The following NID1 variants were observed in gnomAD, a reference collection of about 807,000 sequenced individuals.
NID1 encodes the protein nidogen 1.
A neutral mutation model predicts 130.6 loss-of-function variants in NID1; 76 were observed. The ratio of observed to expected loss-of-function variants is 0.58; its 90% CI spans 0.48 to 0.70. The LOEUF (loss-of-function observed/expected upper bound fraction) is 0.70, where lower values mean the gene tolerates loss of function less well. NID1 is among the 30% of genes least tolerant of loss of function. The pLI, the probability that NID1 is intolerant of heterozygous loss-of-function variation, is 0.00. For missense variants in NID1, 1,517 were observed against 1,664.8 expected (o/e 0.91, Z 1.54); for synonymous variants, 665 against 675.1 (o/e 0.98, Z 0.23).
intron 1 of NID1, among the ~76,000 whole-genome samples, chr1:236,063,479 A>AT (rs949120723): frequency 6.7e-5 from 10 of 148,340 alleles, no homozygotes; most frequent in African/African-American, 2.5e-4. Context: ...CTCAAAAAAA[A>AT]AAATAAATAA....
intron 2 of NID1, among the ~76,000 whole-genome samples, chr1:236,047,219 T>C (rs1394676390): frequency 3.3e-5 from 5 of 152,208 alleles, no homozygotes; most frequent in African/African-American, 9.6e-5. Flanking sequence ...GAGGGAGATA[T>C]AGTTTTAGCA....
chr1:235,986,654 G>C (rs192316565), intron 14 of NID1, among the ~76,000 whole-genome samples: 1 of 152,148 alleles, frequency 6.6e-6, no homozygotes, highest in Non-Finnish European at 1.5e-5. Flanking sequence ...TAGAGACAGC[G>C]TCTCACTATG....
rs760949484 is a variant in NID1, at chr1:236,042,133, G to T, written c.912C>A (p.Gly304=). The change falls in exon 4 of 20, where the codon GGC becomes GGA. Residue 304 remains glycine, a synonymous_variant. Transcript: ENST00000264187. ...EDYDLATTRL[G]LEDVGTTPFS... ...AGGGCGTGGTGCCCACATCCTCCAG[G>T]CCCAGACGAGTGGTCGCCAGGTCAT... is the stretch of plus-strand genomic sequence containing the variant. The T allele has an allele frequency of 1.2e-6, 2 of 1,614,052 alleles. No homozygotes were observed. Among genetic ancestry groups the T allele is most frequent in the Admixed American group, 3.3e-5 (2 of 60,000 alleles).
chr1:236,023,016 G>A (rs141007549), intron 9 of NID1, among the ~76,000 whole-genome samples: 218 of 148,816 alleles, frequency 1.5e-3, no homozygotes, highest in African/African-American at 5.1e-3. Context: ...CCAAGATCAC[G>A]CCACTGCACT....
intron 2 of NID1, among the ~76,000 whole-genome samples, chr1:236,048,178 A>T (rs1339559807): frequency 1.3e-5 from 2 of 151,102 alleles, no homozygotes; most frequent in African/African-American, 4.9e-5. Flanking sequence ...CTAAAAATAC[A>T]AAAAAAACCA....
At chr1:236,008,310 T>G (rs1321692341) in intron 12 of NID1, among the ~76,000 whole-genome samples, 1 of 152,190 alleles carries the variant, frequency 6.6e-6, no homozygotes, top group African/African-American at 2.4e-5. Flanking sequence ...AGTTGACATT[T>G]CAGTAGCCAT....
At chr1:236,010,300 C>A (rs1214172259) in intron 12 of NID1, among the ~76,000 whole-genome samples, 1 of 107,192 alleles carries the variant, frequency 9.3e-6, no homozygotes, top group Non-Finnish European at 1.9e-5. Flanking sequence ...GCTATTTATA[C>A]TTTTTTTTTT....
chr1:236,025,263 C>CTT (rs750410998), intron 8 of NID1, among the ~76,000 whole-genome samples: 6 of 123,746 alleles, frequency 4.8e-5, no homozygotes, highest in Admixed American at 1.7e-4. Context: ...TACAATTTCT[C>CTT]TTTTTTTTTT....
chr1:236,043,873 C>A (rs1452138382), intron 3 of NID1, among the ~76,000 whole-genome samples: 1 of 152,088 alleles, frequency 6.6e-6, no homozygotes, highest in Non-Finnish European at 1.5e-5. Flanking sequence ...TCTCAGTTTA[C>A]CTTTGGTGCT....
rs779663742 is a variant in NID1 at position 236,045,504 on chromosome 1, A to T, written c.705T>A (p.Ala235=). 90 of 1,614,072 alleles carry T rather than the reference A, an allele frequency of 5.6e-5. 1 individual carries two copies. In the South Asian group the frequency reaches 6.7e-4, roughly 12 times the overall value. The change falls in exon 3 of 20, where the codon GCT becomes GCA. Residue 235 remains alanine, a synonymous_variant. Transcript: ENST00000264187. ...CCCTGTCATTAGCAAATATGTTATA[A>T]GCTCCGTTGCTCTTCCATAAGAATC... The part of the protein sequence containing the change: ...SVGFLWKSNG[A]YNIFANDRES...
rs187353630 is a variant in NID1, at chr1:235,983,868, C to T, written c.3055+1511G>A. Among the ~76,000 whole-genome samples the T allele has an allele frequency of 6.6e-5, 10 of 152,032 alleles. No homozygotes were observed. In the East Asian group the frequency reaches 1.5e-3, roughly 23 times the overall value. The stretch of plus-strand genomic sequence containing the variant: ...AAGGAAAGAAAGAAAGCCTGGGATC[C>T]GGGCTGTTATGAAATAAGGAAGAAA... On this transcript the variant is annotated intron_variant, in intron 15 of 19. Transcript: ENST00000264187.
intron 10 of NID1, among the ~76,000 whole-genome samples, chr1:236,014,926 G>T (rs568197723): frequency 6.6e-6 from 1 of 152,174 alleles, no homozygotes; most frequent in East Asian, 1.9e-4. Flanking sequence ...TCAATTAACT[G>T]CAAAAGTTGG....
At chr1:236,048,018 T>C (rs1572619214) in intron 2 of NID1, among the ~76,000 whole-genome samples, 1 of 81,210 alleles carries the variant, frequency 1.2e-5, no homozygotes, top group Non-Finnish European at 2.1e-5. Flanking sequence ...AGAGCAAGAC[T>C]CCATCTCAAA....
At position 236,042,018 on chromosome 1, in the gene NID1, G is replaced by A. The variant is rs746171594; in HGVS notation, c.1027C>T (p.Leu343Phe). 6.2e-7 allele frequency: 1 copy of A among 1,614,180 alleles called. No homozygotes were observed. The highest frequency in any genetic ancestry group is 1.1e-5 in the South Asian group (1 of 91,082). ...CTGGTTCTCTCTGTGGGAGGTCCAA[G>A]GGGCCTTTCGGTAGCTGCCCGGCGC... ...SPRRAATERP[L>F]GPPTERTRSF... The change falls in exon 4 of 20, where the codon CTT (leucine) becomes TTT (phenylalanine). Residue 343 changes from leucine (L) to phenylalanine (F), a missense_variant. Leu to Phe is a conservative substitution (Grantham distance 22). Transcript: ENST00000264187.
intron 6 of NID1, among the ~76,000 whole-genome samples, chr1:236,032,186 A>G (rs952770737): frequency 2.6e-5 from 4 of 152,184 alleles, no homozygotes; most frequent in Non-Finnish European, 5.9e-5. Context: ...AGGCAGTCTC[A>G]GTTGCTATAT....
chr1:235,993,204 C>A (rs182291696), intron 13 of NID1, among the ~76,000 whole-genome samples: 8 of 152,326 alleles, frequency 5.3e-5, no homozygotes, highest in Admixed American at 5.2e-4. Flanking sequence ...GCCCTACTGC[C>A]TAGGGCACAG....
chr1:236,012,578 A>AAGAAAGAAAG (rs552710886), intron 11 of NID1, among the ~76,000 whole-genome samples: 18 of 99,546 alleles, frequency 1.8e-4, no homozygotes, highest in South Asian at 1.1e-3. Flanking sequence ...AAAAAAAAAA[A>AAGAAAGAAAG]AAAGAAAGAA....
In NID1 at chr1:236,017,185, C is replaced by T. The variant is rs746984767; in HGVS notation, c.2217G>A (p.Val739=). The T allele has an allele frequency of 1.2e-6, 2 of 1,614,148 alleles. No individual in the cohort carries two copies. Among genetic ancestry groups the T allele is most frequent in the African/African-American group, 2.7e-5 (2 of 75,052 alleles). Residue 739 remains valine (V), a synonymous_variant, in exon 10 of 20, where the codon GTG becomes GTA. Transcript: ENST00000264187. ...CCTCATCTGAAAACTGGTAGCCCTC[C>T]ACACACTCGCAGCGGAAGGTTCCTG... ...NHPGTFRCEC[V]EGYQFSDEGT...
At chr1:236,062,274 C>G (rs918308669) in intron 1 of NID1, among the ~76,000 whole-genome samples, 4 of 152,214 alleles carry the variant, frequency 2.6e-5, no homozygotes, top group Non-Finnish European at 5.9e-5. Flanking sequence ...TTTTTCCCCA[C>G]CATGCCATTT....
Sources: gnomAD v4.1 joint callset for allele counts (sites outside exome capture counted in the v4.1 genomes callset) on GRCh38, gnomAD v4.1.1 for gene constraint, MANE v1.5 for transcripts, NCBI Gene and HGNC (gene_info 2026-07-23, HGNC 2026-07-21) for gene names.